Variants in KLHL32 observed in about 807,000 individuals in gnomAD.
KLHL32 encodes the protein kelch like family member 32.
Under a neutral mutation model 64.8 loss-of-function variants are expected in KLHL32, and 35 were observed. The observed-to-expected ratio is 0.54, with a 90% CI of 0.41 to 0.72. The LOEUF (loss-of-function observed/expected upper bound fraction) is 0.72, where lower values mean the gene tolerates loss of function less well. Among genes scored for constraint, KLHL32 ranks in the 30% least tolerant of loss-of-function variants. The pLI is 0.00. For missense variants in KLHL32, 589 were observed against 768.5 expected (o/e 0.77, Z 2.76); for synonymous variants, 259 against 281.0 (o/e 0.92, Z 0.78).
intron 6 of KLHL32, among the ~76,000 whole-genome samples, chr6:97,094,334 C>G (rs1583005821): frequency 1.3e-5 from 2 of 152,228 alleles, no homozygotes; most frequent in Non-Finnish European, 2.9e-5. Flanking sequence ...AAGGAGATGT[C>G]AAGAGAAGCC....
chr6:97,057,333 G>A lies in KLHL32; in HGVS notation c.313-7295G>A, dbSNP rs550437572. On this transcript the variant is annotated intron_variant, in intron 4 of 10. Transcript: ENST00000369261. The stretch of plus-strand genomic sequence containing the variant: ...TGTGTAGCTGGGACTACAGGCACGC[G>A]CCACCATGCCCGGCTAATTTTTGTA... Among the ~76,000 whole-genome samples the A allele has an allele frequency of 1.7e-3, 220 of 126,788 alleles. 26 individuals carry two copies. In the South Asian group the frequency reaches 0.05, roughly 29 times the overall value. 83.2% of individuals were successfully genotyped at this position (126,788 alleles called of 152,430 possible).
rs1781403395 is a variant in KLHL32, at chr6:97,017,652, C to A, written c.205-23840C>A. The stretch of plus-strand genomic sequence containing the variant: ...GAAACAAGAGTGTGGCAGAGATGGC[C>A]AGCCAATTTAGGTTTCTCTTTTGGG... On this transcript the variant is annotated intron_variant, in intron 3 of 10. Coordinates refer to ENST00000369261, the MANE Select transcript of KLHL32 (RefSeq NM_052904.4). 2.0e-5 allele frequency among the ~76,000 whole-genome samples: 3 copies of A among 152,094 alleles called. No homozygotes were observed. The South Asian group carries it at 6.2e-4, about 32-fold the overall frequency.
rs564869516 is a variant in KLHL32 at position 97,080,078 on chromosome 6, T to G, written c.412-5048T>G. ...GTAGCCAATTGATAGAGGAAATAATTCTCTGTTGGACTGTAAAAGAAATTT... is the reference window on the plus strand; with the variant it reads ...GTAGCCAATTGATAGAGGAAATAATGCTCTGTTGGACTGTAAAAGAAATTT... On this transcript the variant is annotated intron_variant, in intron 5 of 10. Coordinates refer to ENST00000369261, the MANE Select transcript of KLHL32 (RefSeq NM_052904.4). 3.9e-5 allele frequency among the ~76,000 whole-genome samples: 6 copies of G among 152,296 alleles called. No individual in the cohort carries two copies. In the South Asian group the frequency reaches 1.2e-3, roughly 32 times the overall value.
At chr6:97,001,167 T>G (rs1427829169) in intron 3 of KLHL32, among the ~76,000 whole-genome samples, 1 of 152,160 alleles carries the variant, frequency 6.6e-6, no homozygotes, top group Non-Finnish European at 1.5e-5. Flanking sequence ...AACCCTAACG[T>G]AAACTTTGGA....
chr6:96,987,797 G>A (rs989366861), intron 3 of KLHL32, among the ~76,000 whole-genome samples: 6 of 151,880 alleles, frequency 4.0e-5, no homozygotes, highest in African/African-American at 9.7e-5. Flanking sequence ...GAAATAATGC[G>A]GCATATCTAC....
chr6:97,109,593 T>C (rs1473973623), intron 6 of KLHL32, among the ~76,000 whole-genome samples: 1 of 152,204 alleles, frequency 6.6e-6, no homozygotes, highest in Non-Finnish European at 1.5e-5. Flanking sequence ...GCTTGTGTGC[T>C]TCTCACGCAG....
At chr6:97,091,591 G>T (rs1226176005) in intron 6 of KLHL32, among the ~76,000 whole-genome samples, 1 of 152,180 alleles carries the variant, frequency 6.6e-6, no homozygotes, top group Non-Finnish European at 1.5e-5. Context: ...ACTGACCTGT[G>T]CCAAATAGCA....
At chr6:96,926,464 C>T (rs566711526) in intron 1 of KLHL32, among the ~76,000 whole-genome samples, 2 of 152,130 alleles carry the variant, frequency 1.3e-5, no homozygotes, top group Non-Finnish European at 2.9e-5. Context: ...CTCACAACAA[C>T]CCTTTGAGGC....
intron 6 of KLHL32, among the ~76,000 whole-genome samples, chr6:97,092,595 C>A (rs1794421731): frequency 6.6e-6 from 1 of 152,148 alleles, no homozygotes; most frequent in African/African-American, 2.4e-5. Flanking sequence ...ATGTTTTGCC[C>A]AGAGGATGTT....
chr6:97,007,851 C>A (rs1779860960), intron 3 of KLHL32, among the ~76,000 whole-genome samples: 1 of 152,342 alleles, frequency 6.6e-6, no homozygotes, highest in East Asian at 1.9e-4. Context: ...TAGGAACCTG[C>A]TGCACTGGAG....
intron 6 of KLHL32, chr6:97,105,534 A>G (rs1796293904): frequency 2.1e-6 from 1 of 471,036 alleles, no homozygotes; most frequent in Non-Finnish European, 4.4e-6. Flanking sequence ...AAGGATATGG[A>G]CACTTGTGCC....
At chr6:97,052,240 T>C (rs532995040) in intron 4 of KLHL32, among the ~76,000 whole-genome samples, 12 of 152,162 alleles carry the variant, frequency 7.9e-5, no homozygotes, top group South Asian at 2.1e-4. Flanking sequence ...ATCACCATGA[T>C]TGGGACAGCA....
the KLHL32 span, among the ~76,000 whole-genome samples, chr6:96,909,382 A>G: frequency 1.3e-5 from 2 of 152,094 alleles, no homozygotes; most frequent in East Asian, 3.9e-4. Flanking sequence ...CTGTCTTGGG[A>G]CCCAGTTTTT....
At chr6:97,105,909 A>G (rs1438793400) in intron 6 of KLHL32, among the ~76,000 whole-genome samples, 1 of 152,238 alleles carries the variant, frequency 6.6e-6, no homozygotes, top group Non-Finnish European at 1.5e-5. Context: ...AGATATAAAG[A>G]CAGTTCTATG....
chr6:97,028,948 G>A (rs947657312), intron 3 of KLHL32, among the ~76,000 whole-genome samples: 1 of 152,326 alleles, frequency 6.6e-6, no homozygotes, highest in Admixed American at 6.5e-5. Flanking sequence ...AGAGGAATAA[G>A]GAGAACCATA....
intron 4 of KLHL32, among the ~76,000 whole-genome samples, chr6:97,051,406 G>T (rs1019107675): frequency 6.6e-6 from 1 of 152,188 alleles, no homozygotes; most frequent in Non-Finnish European, 1.5e-5. Flanking sequence ...GCAATAAACA[G>T]TCTTTCTCTG....
At chr6:96,903,907 T>C in the KLHL32 span, among the ~76,000 whole-genome samples, 1,352 of 152,322 alleles carry the variant, frequency 8.9e-3, 8 homozygotes, top group Non-Finnish European at 0.015. Flanking sequence ...TTATAAATGT[T>C]ATGTTATTTG....
chr6:96,994,589 A>G, intron 3 of KLHL32: 2 of 985,370 alleles, frequency 2.0e-6, no homozygotes, highest in Non-Finnish European at 2.4e-6. Flanking sequence ...GCTTTGATGG[A>G]TCTTTTCCTT....
intron 1 of KLHL32, among the ~76,000 whole-genome samples, chr6:96,930,328 C>A (rs1391049689): frequency 3.3e-5 from 5 of 152,140 alleles, no homozygotes; most frequent in African/African-American, 1.2e-4. Context: ...ACCAGAAGAA[C>A]CTGAGCCTTG....
Sources: gnomAD v4.1 joint callset for allele counts (sites outside exome capture counted in the v4.1 genomes callset) on GRCh38, gnomAD v4.1.1 for gene constraint, MANE v1.5 for transcripts, NCBI Gene and HGNC (gene_info 2026-07-23, HGNC 2026-07-21) for gene names.